The following ATP8B4 variants were observed in gnomAD, a reference collection of about 807,000 sequenced individuals.
ATP8B4 encodes ATPase phospholipid transporting 8B4 (putative).
In ATP8B4, 133 loss-of-function variants were observed where a neutral mutation model predicts 145.6. The ratio of observed to expected loss-of-function variants is 0.91; its 90% confidence interval spans 0.79 to 1.05. The LOEUF (loss-of-function observed/expected upper bound fraction) is 1.05, where lower values mean the gene tolerates loss of function less well. Ranked by LOEUF, ATP8B4 falls within the 50% of genes least tolerant of loss-of-function variation. The pLI, the probability that ATP8B4 is intolerant of heterozygous loss-of-function variation, is 0.00. For missense variants in ATP8B4, 1,458 were observed against 1,425.2 expected, an observed-to-expected ratio of 1.02 and a Z score of -0.37; for synonymous variants, 507 against 492.9, an observed-to-expected ratio of 1.03 and a Z score of -0.38.
chr15:50,012,862 G>A (rs1047489717), intron 6 of ATP8B4, among the ~76,000 whole-genome samples: 22 of 152,106 alleles, frequency 1.4e-4, no homozygotes, highest in African/African-American at 5.1e-4. Flanking sequence ...ACAATCAGAG[G>A]AGTTTTTACA....
At chr15:49,874,726 CAAGAAGTCA>C (rs1566908450) in intron 25 of ATP8B4, among the ~76,000 whole-genome samples, 3 of 152,028 alleles carry the variant, frequency 2.0e-5, no homozygotes, top group African/African-American at 7.2e-5. Flanking sequence ...CTTCAAGCGA[CAAGAAGTCA>C]CTTGAAGCTT....
chr15:49,862,348 T>C lies in ATP8B4; in HGVS notation c.3194A>G (p.Lys1065Arg), dbSNP rs114970496. 6 of 1,613,766 alleles carry C rather than the reference T, an allele frequency of 3.7e-6. No homozygotes were observed. In the East Asian group the frequency reaches 1.3e-4, roughly 36 times the overall value. Residue 1065 changes from lysine to arginine, a missense_variant, in exon 27 of 28, where the codon AAG becomes AGG. Coordinates refer to ENST00000284509, the MANE Select transcript of ATP8B4 (RefSeq NM_024837.4). ...TAAGAGAATTACAAGCCAGATGCAC[T>C]TCTGGGTCAGGGAATGTCGTGCATT... Reference protein sequence around the residue: ...VGNARHSLTQKCIWLVILLTT... With the variant: ...VGNARHSLTQRCIWLVILLTT...
chr15:49,918,152 C>G (rs901350270), intron 19 of ATP8B4, among the ~76,000 whole-genome samples: 1 of 152,154 alleles, frequency 6.6e-6, no homozygotes, highest in Admixed American at 6.5e-5. Flanking sequence ...TTAACCATTA[C>G]TGCTAGCAGT....
intron 14 of ATP8B4, among the ~76,000 whole-genome samples, chr15:49,939,919 A>C (rs1488513634): frequency 2.6e-5 from 4 of 152,220 alleles, no homozygotes; most frequent in Non-Finnish European, 5.9e-5. Flanking sequence ...GAGGATGTGG[A>C]GTAAAGGGAA....
chr15:50,166,665 C>T (rs1445044132), intron 1 of ATP8B4, among the ~76,000 whole-genome samples: 1 of 152,158 alleles, frequency 6.6e-6, no homozygotes, highest in African/African-American at 2.4e-5. Flanking sequence ...CAGCATTCTA[C>T]ACAATCATGT....
chr15:50,172,876 C>T (rs553939563), intron 1 of ATP8B4, among the ~76,000 whole-genome samples: 4 of 151,550 alleles, frequency 2.6e-5, no homozygotes, highest in South Asian at 4.2e-4. Context: ...CCGGCCGCCC[C>T]GTCTGAGAAG....
intron 14 of ATP8B4, among the ~76,000 whole-genome samples, chr15:49,950,973 C>G (rs1010788723): frequency 2.0e-5 from 3 of 152,136 alleles, no homozygotes; most frequent in Non-Finnish European, 4.4e-5. Context: ...CATTCAGAAG[C>G]AGGTTGTTTA....
chr15:50,057,246 C>A (rs954437229), intron 3 of ATP8B4, among the ~76,000 whole-genome samples: 1 of 152,158 alleles, frequency 6.6e-6, no homozygotes, highest in Non-Finnish European at 1.5e-5. Flanking sequence ...CATCTCCAGG[C>A]GCTATGCTGA....
At chr15:50,025,236 A>C (rs755617037) in intron 6 of ATP8B4, among the ~76,000 whole-genome samples, 2 of 152,206 alleles carry the variant, frequency 1.3e-5, no homozygotes, top group African/African-American at 2.4e-5. Context: ...CCTCTGCATT[A>C]GCTTCTTCCC....
At chr15:49,964,509 A>C (rs1419341165) in intron 13 of ATP8B4, among the ~76,000 whole-genome samples, 2 of 152,226 alleles carry the variant, frequency 1.3e-5, no homozygotes, top group East Asian at 3.8e-4. Flanking sequence ...CCCAAGGCCT[A>C]CATCTGTGAT....
At chr15:50,109,106 C>G (rs74315962) in intron 1 of ATP8B4, among the ~76,000 whole-genome samples, 2,742 of 152,218 alleles carry the variant, frequency 0.018, 83 homozygotes, top group African/African-American at 0.063. Context: ...CCCTATCTTC[C>G]TACACACCCT....
intron 1 of ATP8B4, among the ~76,000 whole-genome samples, chr15:50,168,407 A>T (rs2044624206): frequency 6.6e-6 from 1 of 151,668 alleles, no homozygotes; most frequent in South Asian, 2.1e-4. Context: ...TCAAACACAC[A>T]CCCCCACTGC....
At chr15:50,125,961 T>C (rs2057304339) in intron 1 of ATP8B4, among the ~76,000 whole-genome samples, 1 of 152,200 alleles carries the variant, frequency 6.6e-6, no homozygotes. Flanking sequence ...ATATCTATTT[T>C]GCCTGGGATT....
intron 18 of ATP8B4, among the ~76,000 whole-genome samples, chr15:49,919,225 G>T (rs758995497): frequency 6.6e-6 from 1 of 152,126 alleles, no homozygotes; most frequent in Non-Finnish European, 1.5e-5. Context: ...AGCGTGAGCA[G>T]TAGGAAGCCA....
chr15:49,867,976 A>G (rs986618925), intron 25 of ATP8B4, among the ~76,000 whole-genome samples: 1 of 152,248 alleles, frequency 6.6e-6, no homozygotes, highest in African/African-American at 2.4e-5. Flanking sequence ...GATATGAGAC[A>G]TGAATAGCAA....
intron 3 of ATP8B4, among the ~76,000 whole-genome samples, chr15:50,047,892 T>G (rs560636552): frequency 1.3e-5 from 2 of 152,310 alleles, no homozygotes; most frequent in Non-Finnish European, 2.9e-5. Context: ...AGGTCTGTCT[T>G]AGAAGATCTC....
At chr15:50,065,169 T>G (rs1055623447) in intron 3 of ATP8B4, among the ~76,000 whole-genome samples, 1 of 152,200 alleles carries the variant, frequency 6.6e-6, no homozygotes, top group East Asian at 1.9e-4. Context: ...TTTAGCCATT[T>G]TGTAATTTAT....
intron 15 of ATP8B4, among the ~76,000 whole-genome samples, chr15:49,931,857 A>T: frequency 6.6e-6 from 1 of 151,958 alleles, no homozygotes; most frequent in East Asian, 1.9e-4. Flanking sequence ...GAGAATGCAT[A>T]CAAGAAATCC....
At chr15:50,150,258 T>C (rs2044330885) in intron 1 of ATP8B4, among the ~76,000 whole-genome samples, 1 of 152,198 alleles carries the variant, frequency 6.6e-6, no homozygotes, top group South Asian at 2.1e-4. Context: ...TGATGGTCTT[T>C]GTGCAAGGTT....
Sources: gnomAD v4.1 joint callset for allele counts (sites outside exome capture counted in the v4.1 genomes callset) on GRCh38, gnomAD v4.1.1 for gene constraint, MANE v1.5 for transcripts, NCBI Gene and HGNC (gene_info 2026-07-23, HGNC 2026-07-21) for gene names.